The following NCOA1 variants were observed in gnomAD, a reference collection of about 807,000 sequenced individuals.
The protein encoded by NCOA1 is Hin-2 protein.
Under a neutral mutation model 150.9 loss-of-function variants are expected in NCOA1, and 35 were observed. The observed-to-expected ratio is 0.23, with a 90% CI of 0.18 to 0.31. The LOEUF (loss-of-function observed/expected upper bound fraction) is 0.31, where lower values mean the gene tolerates loss of function less well. Ranked by LOEUF, NCOA1 falls within the 10% of genes least tolerant of loss-of-function variation. The probability of loss-of-function intolerance (pLI) is 1.00; values close to 1 mark genes in which losing one functional copy is unlikely to be tolerated. For missense variants in NCOA1, 1,491 were observed against 1,749.3 expected, an observed-to-expected ratio of 0.85 and a Z score of 2.63; for synonymous variants, 590 against 630.0, an observed-to-expected ratio of 0.94 and a Z score of 0.95.
rs758559352 is a variant in NCOA1 at position 24,691,555 on chromosome 2, C to T, written c.607C>T (p.Pro203Ser). Residue 203 changes from proline (P) to serine (S), a missense_variant, in exon 9 of 23, where the codon CCT (proline) becomes TCT (serine). Transcript: ENST00000348332. ...CTTTAACTGCAGGATGCTAATTCAC[C>T]CTCCAGATGAGCCAGGGACCGAGAA... ...HTFNCRMLIHPPDEPGTENQE... is the reference protein window; with the variant it reads ...HTFNCRMLIHSPDEPGTENQE... 15 of 1,613,960 alleles carry T rather than the reference C, an allele frequency of 9.3e-6. No individual in the cohort carries two copies. Among genetic ancestry groups the T allele is most frequent in the East Asian group, 2.2e-5 (1 of 44,886 alleles).
rs75261640 is a variant in NCOA1, at chr2:24,530,092, G to T, written c.-395-34203G>T. 1.8e-3 allele frequency among the ~76,000 whole-genome samples: 269 copies of T among 152,228 alleles called. 1 individual carries two copies. Among genetic ancestry groups the T allele is most frequent in the East Asian group, 0.017 (89 of 5,190 alleles). On this transcript the variant is annotated intron_variant, in intron 1 of 22. Coordinates refer to ENST00000348332, the MANE Select transcript of NCOA1 (RefSeq NM_003743.5). ...AAGAGTTGCAACCAAAGATTTCCGG[G>T]TTTAGAGTTGACAGTAGCTTATCTT... is the stretch of plus-strand genomic sequence containing the variant.
intron 17 of NCOA1, among the ~76,000 whole-genome samples, chr2:24,733,505 A>G (rs1663124659): frequency 6.6e-6 from 1 of 152,202 alleles, no homozygotes; most frequent in Non-Finnish European, 1.5e-5. Context: ...GCACTTTGGG[A>G]GGCCGAGGCG....
chr2:24,614,481 C>G (rs1043185219), intron 3 of NCOA1, among the ~76,000 whole-genome samples: 1 of 151,796 alleles, frequency 6.6e-6, no homozygotes, highest in African/African-American at 2.4e-5. Context: ...CTGCCTGCCT[C>G]GGCCTTGCAA....
At chr2:24,674,363 G>A (rs1402100934) in intron 7 of NCOA1, among the ~76,000 whole-genome samples, 2 of 151,948 alleles carry the variant, frequency 1.3e-5, no homozygotes, top group East Asian at 3.9e-4. Context: ...CTGCTACCAC[G>A]CCTGGCTAAT....
intron 22 of NCOA1, among the ~76,000 whole-genome samples, chr2:24,763,716 G>T (rs1664911331): frequency 6.8e-6 from 1 of 147,354 alleles, no homozygotes; most frequent in Admixed American, 6.8e-5. Context: ...CGCCCCCTGG[G>T]TTCAAGCGAT....
chr2:24,760,506 A>G, intron 21 of NCOA1, among the ~76,000 whole-genome samples: 2 of 151,892 alleles, frequency 1.3e-5, no homozygotes, highest in Admixed American at 6.6e-5. Context: ...GAGCTTTTCT[A>G]TGTCTGAAAA....
chr2:24,756,298 TCACC>T, intron 20 of NCOA1, among the ~76,000 whole-genome samples: 6 of 152,102 alleles, frequency 3.9e-5, no homozygotes, highest in African/African-American at 1.4e-4. Flanking sequence ...GGCTTTTTTC[TCACC>T]TTTAGTTGTA....
At chr2:24,503,827 T>G (rs1461446698) in intron 1 of NCOA1, among the ~76,000 whole-genome samples, 2 of 151,456 alleles carry the variant, frequency 1.3e-5, no homozygotes, top group South Asian at 2.1e-4. Flanking sequence ...CTCTGTCTCC[T>G]GGGTTCAAGC....
chr2:24,670,667 T>A (rs1317477537), intron 6 of NCOA1, among the ~76,000 whole-genome samples: 1 of 152,074 alleles, frequency 6.6e-6, no homozygotes, highest in East Asian at 1.9e-4. Flanking sequence ...TGCCTCAGAC[T>A]TAGGGGTATT....
intron 3 of NCOA1, among the ~76,000 whole-genome samples, chr2:24,630,137 G>A (rs112941765): frequency 4.9e-4 from 75 of 152,150 alleles, no homozygotes; most frequent in African/African-American, 1.7e-3. Context: ...GAGCCACCGC[G>A]CCCGGCCGTA....
chr2:24,568,638 G>A (rs1017010601), intron 2 of NCOA1, among the ~76,000 whole-genome samples: 1 of 152,214 alleles, frequency 6.6e-6, no homozygotes, highest in Non-Finnish European at 1.5e-5. Context: ...GTATCATTCA[G>A]AGGTATCTTT....
intron 1 of NCOA1, among the ~76,000 whole-genome samples, chr2:24,500,254 A>G (rs1663404481): frequency 1.3e-5 from 2 of 152,054 alleles, no homozygotes; most frequent in South Asian, 4.1e-4. Context: ...GATTACAGGC[A>G]TGTGCCACCA....
chr2:24,696,282 G>C (rs1223958025), intron 10 of NCOA1, among the ~76,000 whole-genome samples: 3 of 152,170 alleles, frequency 2.0e-5, no homozygotes, highest in Non-Finnish European at 4.4e-5. Context: ...ATAAAGAGGG[G>C]ATTAGTTCAA....
rs184805119 is a variant in NCOA1, at chr2:24,741,637, G to C, written c.3304-147G>C. 154 of 842,148 alleles carry C rather than the reference G, an allele frequency of 1.8e-4. No homozygotes were observed. In the African/African-American group the frequency reaches 2.5e-3, roughly 13 times the overall value. The allele number at this position is 842,148 out of a possible 1,614,324, so 52.2% of individuals were successfully genotyped here. The stretch of plus-strand genomic sequence containing the variant: ...TGTGATTGTTACTTAAGAGGTTTTT[G>C]TTCCTTTTCTGTTTTAGTTTCCCTT... On this transcript the variant is annotated intron_variant, in intron 18 of 22. Transcript: ENST00000348332.
At chr2:24,547,894 C>G (rs1665665564) in intron 1 of NCOA1, among the ~76,000 whole-genome samples, 1 of 144,962 alleles carries the variant, frequency 6.9e-6, no homozygotes, top group Non-Finnish European at 1.5e-5. Flanking sequence ...GAGACTGAGG[C>G]AGGAGAATGG....
At chr2:24,622,209 T>G (rs991330128) in intron 3 of NCOA1, among the ~76,000 whole-genome samples, 3 of 152,230 alleles carry the variant, frequency 2.0e-5, no homozygotes, top group Non-Finnish European at 4.4e-5. Flanking sequence ...GAGAAGCATT[T>G]GTAGCCACAA....
rs771378983 is a variant in NCOA1 at position 24,758,144 on chromosome 2, G to A, written c.4053G>A (p.Val1351=). Residue 1351 remains valine, a synonymous_variant, in exon 21 of 23, where the codon GTG becomes GTA. Transcript: ENST00000348332. The stretch of plus-strand genomic sequence containing the variant: ...TGCAGATGCCAGGAATGAACACTGT[G>A]TGCCCTGAGCAGGTAAGTGGCACAC... The part of the protein sequence containing the change: ...SSLQMPGMNT[V]CPEQINDPAL... The A allele has an allele frequency of 6.2e-7, 1 of 1,612,820 alleles. No individual in the cohort carries two copies. The highest frequency in any genetic ancestry group is 1.3e-5 in the African/African-American group (1 of 74,868).
At chr2:24,693,021 C>T (rs565350215) in intron 9 of NCOA1, among the ~76,000 whole-genome samples, 11 of 152,078 alleles carry the variant, frequency 7.2e-5, no homozygotes, top group African/African-American at 1.4e-4. Flanking sequence ...CCACCATGCC[C>T]GGCTAATTTT....
Position 24,661,057 on chromosome 2 carries a change from G to A in NCOA1, c.89+2291G>A, listed in dbSNP as rs1387645078. 2.6e-5 allele frequency among the ~76,000 whole-genome samples: 4 copies of A among 151,254 alleles called. No individual in the cohort carries two copies. In the South Asian group the frequency reaches 6.2e-4, roughly 24 times the overall value. ...GCTTGGGCAACAAGAGCAAAACTCC[G>A]GCTCAAAAAAAAAAAAGAGTTTCTT... On this transcript the variant is annotated intron_variant, in intron 5 of 22. Coordinates refer to ENST00000348332, the MANE Select transcript of NCOA1 (RefSeq NM_003743.5).
Sources: allele counts gnomAD v4.1 joint callset (sites outside exome capture counted in the v4.1 genomes callset), GRCh38; gene constraint gnomAD v4.1.1; transcripts MANE v1.5; gene names NCBI Gene and HGNC (gene_info 2026-07-23, HGNC 2026-07-21).